Variants in PIK3R4 observed in about 807,000 individuals in gnomAD.
PIK3R4 encodes phosphoinositide 3-kinase regulatory subunit 4.
In PIK3R4, 46 loss-of-function variants were observed where a neutral mutation model predicts 136.5. That is an observed-to-expected ratio of 0.34 (90% CI 0.27 to 0.43). PIK3R4 has a LOEUF of 0.43. Among genes scored for constraint, PIK3R4 ranks in the 20% least tolerant of loss-of-function variants. The pLI is 1.00. For missense variants in PIK3R4, 1,331 were observed against 1,649.5 expected, an observed-to-expected ratio of 0.81 and a Z score of 3.35; for synonymous variants, 557 against 566.7, an observed-to-expected ratio of 0.98 and a Z score of 0.24.
At chr3:130,724,901 G>T (rs2066722984) in intron 6 of PIK3R4, among the ~76,000 whole-genome samples, 1 of 151,906 alleles carries the variant, frequency 6.6e-6, no homozygotes, top group Non-Finnish European at 1.5e-5. Context: ...TAGAGATATG[G>T]TAATAATCAC....
intron 11 of PIK3R4, 143 bp downstream of exon 11, chr3:130,706,805 C>A: frequency 2.0e-6 from 1 of 504,164 alleles, no homozygotes; most frequent in Non-Finnish European, 3.4e-6. Flanking sequence ...AAAGATAAAC[C>A]TGTCTTAGAA....
intron 8 of PIK3R4, among the ~76,000 whole-genome samples, chr3:130,717,746 G>C (rs2066673720): frequency 6.6e-6 from 1 of 152,138 alleles, no homozygotes; most frequent in Non-Finnish European, 1.5e-5. Flanking sequence ...GTAAAAATAG[G>C]AACTTTCAGA....
At chr3:130,737,533 G>T (rs944080004) in intron 2 of PIK3R4, among the ~76,000 whole-genome samples, 1 of 152,056 alleles carries the variant, frequency 6.6e-6, no homozygotes, top group Non-Finnish European at 1.5e-5. Context: ...GGTGGTGCAC[G>T]TTTGTAATTC....
intron 9 of PIK3R4, 102 bp downstream of exon 9, chr3:130,716,294 T>C (rs1252508980): frequency 2.3e-6 from 2 of 875,408 alleles, no homozygotes; most frequent in Non-Finnish European, 3.6e-6. Flanking sequence ...ATTTTTATGA[T>C]GTAATCTAAT....
At chr3:130,689,204 T>G (rs1429904586) in intron 14 of PIK3R4, among the ~76,000 whole-genome samples, 1 of 152,170 alleles carries the variant, frequency 6.6e-6, no homozygotes, top group Non-Finnish European at 1.5e-5. Context: ...ACCTAGGTAG[T>G]TAGGTAGTTA....
intron 5 of PIK3R4, among the ~76,000 whole-genome samples, chr3:130,729,440 T>A (rs998772778): frequency 1.8e-4 from 27 of 152,202 alleles, no homozygotes; most frequent in African/African-American, 5.8e-4. Context: ...TGGTCTGACA[T>A]GCAAAACTAT....
intron 2 of PIK3R4, among the ~76,000 whole-genome samples, chr3:130,743,422 A>G (rs1185222587): frequency 1.3e-5 from 2 of 152,174 alleles, no homozygotes; most frequent in African/African-American, 4.8e-5. Context: ...CTAAAAAATA[A>G]TAATAAATTA....
chr3:130,730,118 T>G (rs183162469), intron 5 of PIK3R4, among the ~76,000 whole-genome samples, 190 bp downstream of exon 5: 40 of 152,316 alleles, frequency 2.6e-4, no homozygotes, highest in African/African-American at 9.1e-4. Flanking sequence ...GGTGACAAGC[T>G]GATTATTTTT....
chr3:130,719,348 ATTTC>A (rs57751182), intron 7 of PIK3R4, among the ~76,000 whole-genome samples: 31,146 of 151,936 alleles, frequency 0.2, 3,409 homozygotes, highest in South Asian at 0.36. Flanking sequence ...TTCAGAGGAT[ATTTC>A]TTTATCTTCT....
At chr3:130,711,374 T>C (rs1303983199) in intron 9 of PIK3R4, among the ~76,000 whole-genome samples, 5 of 151,986 alleles carry the variant, frequency 3.3e-5, no homozygotes, top group Non-Finnish European at 5.9e-5. Flanking sequence ...AGAAGGAACA[T>C]AGAGTAAAAC....
rs573409827 is a variant in PIK3R4, at chr3:130,696,733, GGAGTA to G, written c.3099-6084_3099-6080del. ...GATTTAAATTCTGCTGTTCCTGAGT[GGAGTA>G]TTCTACTGATACCTGTTAAATCTGG... On this transcript the variant is annotated intron_variant, in intron 13 of 19. Coordinates refer to ENST00000356763, the MANE Select transcript of PIK3R4 (RefSeq NM_014602.3). 2.0e-4 allele frequency among the ~76,000 whole-genome samples: 30 copies of G among 152,214 alleles called. 1 individual carries two copies. In the South Asian group the frequency reaches 6.2e-3, roughly 32 times the overall value.
At chr3:130,716,668 T>C (rs2066666776) in intron 8 of PIK3R4, 69 bp from the exon 9 acceptor site, 6 of 911,406 alleles carry the variant, frequency 6.6e-6, no homozygotes, top group Non-Finnish European at 8.2e-6. Flanking sequence ...ATTCAATAAA[T>C]ACAACTTGAG....
At chr3:130,705,264 T>A (rs1365314088) in intron 12 of PIK3R4, among the ~76,000 whole-genome samples, 1 of 152,166 alleles carries the variant, frequency 6.6e-6, no homozygotes, top group African/African-American at 2.4e-5. Context: ...GACATTCAAG[T>A]GAAAAAGTGG....
chr3:130,705,586 T>C lies in PIK3R4; in HGVS notation c.2907A>G (p.Glu969=). The C allele has an allele frequency of 6.2e-7, 1 of 1,613,180 alleles. No individual in the cohort carries two copies. Among genetic ancestry groups the C allele is most frequent in the Non-Finnish European group, 8.5e-7 (1 of 1,179,150 alleles). The change falls in exon 12 of 20, where the codon GAA becomes GAG. Residue 969 remains glutamate, a synonymous_variant. Coordinates refer to ENST00000356763, the MANE Select transcript of PIK3R4 (RefSeq NM_014602.3). Reference sequence around the variant, plus strand: ...CAGGTGGTGGTGGTTTACTCTCCCATTCAGCATTTTCCATCATCTGCTTAG... The same window carrying C: ...CAGGTGGTGGTGGTTTACTCTCCCACTCAGCATTTTCCATCATCTGCTTAG... ...RIAKQMMENA[E]WESKPPPPGW... is the part of the protein sequence containing the mutation.
Position 130,684,242 on chromosome 3 carries a change from C to T in PIK3R4, c.3607+8G>A, listed in dbSNP as rs528766063. On this transcript the variant is annotated splice_region_variant and intron_variant, in intron 16 of 19. Transcript: ENST00000356763. ...TCCCAACACATGAAAGCCAGCCCTC[C>T]ATCTTACCTGCAATCACCCAGGACT... 2 of 1,609,906 alleles carry T rather than the reference C, an allele frequency of 1.2e-6. No homozygotes were observed. Among genetic ancestry groups the T allele is most frequent in the East Asian group, 2.2e-5 (1 of 44,800 alleles).
chr3:130,742,406 C>T (rs985226743), intron 2 of PIK3R4, among the ~76,000 whole-genome samples: 3 of 152,154 alleles, frequency 2.0e-5, no homozygotes, highest in Non-Finnish European at 2.9e-5. Context: ...TTGAAAGTGA[C>T]GCAATTCCTA....
intron 5 of PIK3R4, 28 bp downstream of exon 5, chr3:130,730,280 G>T (rs2066754442): frequency 6.4e-7 from 1 of 1,558,192 alleles, no homozygotes; most frequent in African/African-American, 1.4e-5. Flanking sequence ...CTAAATAACA[G>T]GAAATCTGGA....
At chr3:130,688,724 C>T (rs2066501559) in intron 14 of PIK3R4, among the ~76,000 whole-genome samples, 1 of 152,084 alleles carries the variant, frequency 6.6e-6, no homozygotes, top group African/African-American at 2.4e-5. Context: ...TGGCCAGTCT[C>T]CTTTATTCAC....
rs761889390 is a variant in PIK3R4 at position 130,690,485 on chromosome 3, G to A, written c.3263+5C>T. 1.2e-6 allele frequency: 2 copies of A among 1,603,718 alleles called. No homozygotes were observed. Among genetic ancestry groups the A allele is most frequent in the South Asian group, 1.1e-5 (1 of 89,636 alleles). ...AATGTTTAAGAAAGACAAAAGATAA[G>A]ATACCTGCTTTGTAGAGGATGGATT... On this transcript the variant is annotated splice_donor_5th_base_variant and intron_variant, in intron 14 of 19. Coordinates refer to ENST00000356763, the MANE Select transcript of PIK3R4 (RefSeq NM_014602.3).
Sources: gnomAD v4.1 joint callset for allele counts (sites outside exome capture counted in the v4.1 genomes callset) on GRCh38, gnomAD v4.1.1 for gene constraint, MANE v1.5 for transcripts, NCBI Gene and HGNC (gene_info 2026-07-23, HGNC 2026-07-21) for gene names.